Variants in BMP5 observed in about 807,000 individuals in gnomAD.
The protein encoded by BMP5 is bone morphogenetic protein 5.
Under a neutral mutation model 46.6 loss-of-function variants are expected in BMP5, and 23 were observed. That is an observed-to-expected ratio of 0.49 (90% CI 0.35 to 0.70). The LOEUF is 0.70. Among genes scored for constraint, BMP5 ranks in the 30% least tolerant of loss-of-function variants. BMP5 has a pLI of 0.00. For missense variants in BMP5, 545 were observed against 565.6 expected, an observed-to-expected ratio of 0.96 and a Z score of 0.37; for synonymous variants, 204 against 191.9, an observed-to-expected ratio of 1.06 and a Z score of -0.52.
rs865859294 is a variant in BMP5 at position 55,852,332 on chromosome 6, T to C, written c.490+22044A>G. Among the ~76,000 whole-genome samples the C allele has an allele frequency of 2.6e-5, 4 of 152,110 alleles. No homozygotes were observed. The South Asian group carries it at 6.2e-4, about 24-fold the overall frequency. ...GAAAGATTCAGTTAAGACTTTCAGATTGATAGTAAATCTATATGCAAATAG... is the reference window on the plus strand; with the variant it reads ...GAAAGATTCAGTTAAGACTTTCAGACTGATAGTAAATCTATATGCAAATAG... On this transcript the variant is annotated intron_variant, in intron 1 of 6. Coordinates refer to ENST00000370830, the MANE Select transcript of BMP5 (RefSeq NM_021073.4).
chr6:55,841,765 T>C (rs1776964404), intron 1 of BMP5, among the ~76,000 whole-genome samples: 1 of 152,176 alleles, frequency 6.6e-6, no homozygotes, highest in Non-Finnish European at 1.5e-5. Flanking sequence ...TCAGTTGAAT[T>C]ATGTTTCACC....
At chr6:55,781,049 A>G (rs912145643) in intron 3 of BMP5, among the ~76,000 whole-genome samples, 3 of 152,036 alleles carry the variant, frequency 2.0e-5, no homozygotes, top group African/African-American at 7.2e-5. Flanking sequence ...CACGCTAGGG[A>G]TTGTAGTTTA....
chr6:55,761,736 G>T (rs1311935182), intron 4 of BMP5, among the ~76,000 whole-genome samples: 1 of 152,014 alleles, frequency 6.6e-6, no homozygotes, highest in African/African-American at 2.4e-5. Flanking sequence ...ACTCTGTTCT[G>T]ATTTTTTTCC....
chr6:55,868,536 C>A (rs571692038), intron 1 of BMP5, among the ~76,000 whole-genome samples: 2 of 151,632 alleles, frequency 1.3e-5, no homozygotes, highest in East Asian at 3.9e-4. Context: ...TTTTTTTCTC[C>A]CCAAACCACT....
intron 1 of BMP5, among the ~76,000 whole-genome samples, chr6:55,868,766 G>C (rs749929518): frequency 6.6e-6 from 1 of 152,082 alleles, no homozygotes; most frequent in Non-Finnish European, 1.5e-5. Flanking sequence ...TTATCTTACT[G>C]TCAGACTTTG....
chr6:55,765,539 G>A (rs1275775652), intron 4 of BMP5, among the ~76,000 whole-genome samples: 1 of 152,096 alleles, frequency 6.6e-6, no homozygotes, highest in East Asian at 1.9e-4. Flanking sequence ...AAGCAGGAAT[G>A]GTGCTACCAT....
At chr6:55,800,959 C>T (rs1191075526) in intron 2 of BMP5, among the ~76,000 whole-genome samples, 1 of 152,122 alleles carries the variant, frequency 6.6e-6, no homozygotes, top group Non-Finnish European at 1.5e-5. Flanking sequence ...TTGGACTGGA[C>T]CACTGAAAGG....
At chr6:55,776,218 TGTG>T (rs1034740914) in intron 3 of BMP5, among the ~76,000 whole-genome samples, 1 of 151,998 alleles carries the variant, frequency 6.6e-6, no homozygotes. Context: ...CAGTTTGATT[TGTG>T]GTCCGAGCAG....
intron 1 of BMP5, among the ~76,000 whole-genome samples, chr6:55,862,667 A>G (rs1487106950): frequency 1.3e-5 from 2 of 152,162 alleles, no homozygotes; most frequent in African/African-American, 2.4e-5. Flanking sequence ...AGACACACTT[A>G]TATTTTGGAA....
intron 1 of BMP5, among the ~76,000 whole-genome samples, chr6:55,857,616 A>G (rs1192307049): frequency 6.6e-6 from 1 of 152,218 alleles, no homozygotes; most frequent in Non-Finnish European, 1.5e-5. Context: ...ATCAAACTTG[A>G]TACTAAACTA....
At chr6:55,863,868 G>T (rs1205612914) in intron 1 of BMP5, among the ~76,000 whole-genome samples, 2 of 152,112 alleles carry the variant, frequency 1.3e-5, no homozygotes, top group South Asian at 2.1e-4. Flanking sequence ...GTGTAGCTTA[G>T]GAGCAATAGG....
At position 55,755,689 on chromosome 6, in the gene BMP5, A is replaced by G. The variant is rs1341348502; in HGVS notation, c.1216-7T>C. 6.2e-7 allele frequency: 1 copy of G among 1,611,230 alleles called. No individual in the cohort carries two copies. The highest frequency in any genetic ancestry group is 1.7e-5 in the Admixed American group (1 of 59,800). ...CAGGAAACATCAGATGAACCTGGGA[A>G]AGAAAAAAGGTTTTGTTTTATTAAG... On this transcript the variant is annotated splice_region_variant and splice_polypyrimidine_tract_variant and intron_variant, in intron 6 of 6. Coordinates refer to ENST00000370830, the MANE Select transcript of BMP5 (RefSeq NM_021073.4).
chr6:55,784,953 G>A, intron 3 of BMP5, among the ~76,000 whole-genome samples: 1 of 151,772 alleles, frequency 6.6e-6, no homozygotes, highest in East Asian at 1.9e-4. Context: ...ATTTACTCGT[G>A]TACAAAATGG....
intron 1 of BMP5, among the ~76,000 whole-genome samples, chr6:55,827,589 A>G (rs2127541135): frequency 6.6e-6 from 1 of 151,866 alleles, no homozygotes; most frequent in Admixed American, 6.6e-5. Context: ...AGTTATTTTT[A>G]TCACTGAGGA....
At chr6:55,859,553 G>T (rs1313096743) in intron 1 of BMP5, among the ~76,000 whole-genome samples, 2 of 151,782 alleles carry the variant, frequency 1.3e-5, no homozygotes, top group Non-Finnish European at 2.9e-5. Flanking sequence ...ATTAAGTAAG[G>T]GTACAACCTT....
chr6:55,789,870 T>C (rs1425625322), intron 3 of BMP5, among the ~76,000 whole-genome samples: 3 of 152,140 alleles, frequency 2.0e-5, no homozygotes, highest in Non-Finnish European at 4.4e-5. Context: ...GAATTATCTA[T>C]TCAGCATGAA....
At chr6:55,859,569 AAC>A (rs1273889723) in intron 1 of BMP5, among the ~76,000 whole-genome samples, 3 of 152,226 alleles carry the variant, frequency 2.0e-5, no homozygotes, top group Non-Finnish European at 2.9e-5. Flanking sequence ...ACCTTACATA[AAC>A]AGTTCAACTA....
At chr6:55,874,255 A>G (rs3798818) in intron 1 of BMP5, 121 bp downstream of exon 1, 56,470 of 1,273,494 alleles carry the variant, frequency 0.044, 1,833 homozygotes, top group East Asian at 0.18. Flanking sequence ...CAGAAGCTAA[A>G]CAGGAGAGTT....
intron 1 of BMP5, among the ~76,000 whole-genome samples, chr6:55,840,804 G>A (rs1340060857): frequency 1.3e-5 from 2 of 152,130 alleles, no homozygotes; most frequent in African/African-American, 2.4e-5. Context: ...ATTTTTCTTT[G>A]TGATTTTAAA....
Sources: allele counts gnomAD v4.1 joint callset (sites outside exome capture counted in the v4.1 genomes callset), GRCh38; gene constraint gnomAD v4.1.1; transcripts MANE v1.5; gene names NCBI Gene and HGNC (gene_info 2026-07-23, HGNC 2026-07-21).